The following PCDH9 variants were observed in gnomAD, a reference collection of about 807,000 sequenced individuals.
PCDH9 encodes protocadherin 9, also known as protocadherin-9.
A neutral mutation model predicts 70.6 loss-of-function variants in PCDH9; 24 were observed. The observed-to-expected ratio is 0.34, with a 90% confidence interval of 0.25 to 0.48. The LOEUF (loss-of-function observed/expected upper bound fraction) is 0.48. Among genes scored for constraint, PCDH9 ranks in the 20% least tolerant of loss-of-function variants. The pLI is 0.99. For synonymous variants in PCDH9, 562 were observed against 558.5 expected (o/e 1.01, Z -0.09); for missense variants, 1,281 against 1,503.6 (o/e 0.85, Z 2.45).
chr13:67,149,696 A>G (rs1015428461), intron 2 of PCDH9, among the ~76,000 whole-genome samples: 1 of 152,076 alleles, frequency 6.6e-6, no homozygotes, highest in African/African-American at 2.4e-5. Context: ...TACGTTAAAG[A>G]TTTTTGCTTT....
At chr13:67,064,371 C>T (rs962693532) in intron 2 of PCDH9, among the ~76,000 whole-genome samples, 11 of 152,056 alleles carry the variant, frequency 7.2e-5, no homozygotes, top group South Asian at 2.1e-4. Context: ...AATCAGCCTG[C>T]GTACCAGTGC....
At chr13:66,796,879 G>C (rs2080250253) in intron 3 of PCDH9, among the ~76,000 whole-genome samples, 1 of 152,176 alleles carries the variant, frequency 6.6e-6, no homozygotes, top group South Asian at 2.1e-4. Context: ...TGCTAGGCAA[G>C]ATTATAAAAA....
intron 4 of PCDH9, among the ~76,000 whole-genome samples, chr13:66,471,941 T>G (rs553102164): frequency 1.2e-4 from 18 of 152,276 alleles, no homozygotes; most frequent in Middle Eastern, 3.4e-3. Context: ...CCGGGCGCAG[T>G]GGTTCGCGCC....
chr13:66,574,876 G>A (rs1223301859), intron 4 of PCDH9, among the ~76,000 whole-genome samples: 7 of 152,086 alleles, frequency 4.6e-5, no homozygotes, highest in African/African-American at 1.7e-4. Flanking sequence ...CCTAGTAATA[G>A]CAAAGATATT....
At chr13:66,356,467 T>C (rs1334398) in intron 4 of PCDH9, among the ~76,000 whole-genome samples, 61,698 of 151,954 alleles carry the variant, frequency 0.41, 14,222 homozygotes, top group Admixed American at 0.58. Context: ...TGCAGGTTCA[T>C]AATTCTTGTT....
intron 2 of PCDH9, among the ~76,000 whole-genome samples, chr13:67,130,308 C>G (rs12862246): frequency 1.3e-5 from 2 of 151,888 alleles, no homozygotes; most frequent in Admixed American, 1.3e-4. Context: ...AAAATCAAAA[C>G]AAAAATGCAA....
At chr13:66,370,925 T>C (rs6562450) in intron 4 of PCDH9, among the ~76,000 whole-genome samples, 140,700 of 152,142 alleles carry the variant, frequency 0.92, 66,082 homozygotes, top group East Asian at 1. Flanking sequence ...ATTAAAGTCA[T>C]GTTATTCAAC....
At chr13:67,198,615 C>T (rs988061206) in intron 2 of PCDH9, among the ~76,000 whole-genome samples, 4 of 151,824 alleles carry the variant, frequency 2.6e-5, no homozygotes, top group African/African-American at 9.7e-5. Context: ...CATACCATAA[C>T]CTAGGTAATC....
At chr13:66,887,693 T>C (rs1472253898) in intron 3 of PCDH9, among the ~76,000 whole-genome samples, 1 of 152,204 alleles carries the variant, frequency 6.6e-6, no homozygotes, top group Non-Finnish European at 1.5e-5. Context: ...AAATATGTTA[T>C]AGAATATTGC....
intron 4 of PCDH9, among the ~76,000 whole-genome samples, chr13:66,381,922 G>T (rs1956855426): frequency 6.6e-6 from 1 of 151,800 alleles, no homozygotes; most frequent in South Asian, 2.1e-4. Context: ...TTAGCACTTT[G>T]CCATCTATAC....
chr13:66,638,419 A>C (rs1328887303), intron 3 of PCDH9, among the ~76,000 whole-genome samples: 2 of 152,212 alleles, frequency 1.3e-5, no homozygotes, highest in Non-Finnish European at 1.5e-5. Context: ...TTATGCCAAA[A>C]CAATCTGCAG....
intron 2 of PCDH9, among the ~76,000 whole-genome samples, chr13:66,953,573 T>C (rs1343172010): frequency 6.6e-6 from 1 of 152,204 alleles, no homozygotes; most frequent in African/African-American, 2.4e-5. Context: ...GATAACTGTA[T>C]CAATGTTGTC....
chr13:66,499,733 C>A (rs1959167009), intron 4 of PCDH9, among the ~76,000 whole-genome samples: 1 of 152,224 alleles, frequency 6.6e-6, no homozygotes, highest in African/African-American at 2.4e-5. Context: ...CTCAAAATCT[C>A]ATGTTAATGT....
intron 2 of PCDH9, among the ~76,000 whole-genome samples, chr13:67,129,966 G>A (rs1041938877): frequency 6.6e-6 from 1 of 152,102 alleles, no homozygotes; most frequent in Non-Finnish European, 1.5e-5. Context: ...ACTTGGGAAA[G>A]ATCACCTTGG....
intron 4 of PCDH9, among the ~76,000 whole-genome samples, chr13:66,615,244 G>A (rs760963643): frequency 1.3e-5 from 2 of 152,294 alleles, no homozygotes; most frequent in Non-Finnish European, 2.9e-5. Flanking sequence ...AGTCTTTGAA[G>A]AGGAACCTCT....
chr13:66,760,834 C>T (rs1413601655), intron 3 of PCDH9, among the ~76,000 whole-genome samples: 1 of 152,102 alleles, frequency 6.6e-6, no homozygotes, highest in Non-Finnish European at 1.5e-5. Flanking sequence ...AATGGCTGCT[C>T]TGGGAGTGTC....
chr13:66,656,507 T>C (rs893490769), intron 3 of PCDH9, among the ~76,000 whole-genome samples: 13 of 152,216 alleles, frequency 8.5e-5, no homozygotes, highest in Admixed American at 8.5e-4. Context: ...TGAAAGCTAA[T>C]TATTTCCTTT....
In PCDH9 at chr13:66,591,280, C is replaced by G. The variant is rs554734368; in HGVS notation, c.3340+39930G>C. Reference sequence around the variant, plus strand: ...ATTGGTTTACACAGAATCTCATACACTTTATGCAGCTGTTTTCATGCCAAT... The same window carrying G: ...ATTGGTTTACACAGAATCTCATACAGTTTATGCAGCTGTTTTCATGCCAAT... On this transcript the variant is annotated intron_variant, in intron 4 of 4. Transcript: ENST00000377865. Among the ~76,000 whole-genome samples, 10 of 151,714 alleles carry G rather than the reference C, an allele frequency of 6.6e-5. No homozygotes were observed. In the South Asian group the frequency reaches 2.1e-3, roughly 32 times the overall value.
intron 3 of PCDH9, among the ~76,000 whole-genome samples, chr13:66,853,669 T>A (rs1424764856): frequency 6.6e-6 from 1 of 152,162 alleles, no homozygotes; most frequent in African/African-American, 2.4e-5. Flanking sequence ...CTACCTGCTG[T>A]GTTTATATAG....
Sources: gnomAD v4.1 joint callset for allele counts (sites outside exome capture counted in the v4.1 genomes callset) on GRCh38, gnomAD v4.1.1 for gene constraint, MANE v1.5 for transcripts, NCBI Gene and HGNC (gene_info 2026-07-23, HGNC 2026-07-21) for gene names.